The following FAM149A variants were observed in gnomAD, a reference collection of about 807,000 sequenced individuals.
FAM149A encodes the protein family with sequence similarity 149 member A.
Under a neutral mutation model 78.2 loss-of-function variants are expected in FAM149A, and 71 were observed. The ratio of observed to expected loss-of-function variants is 0.91; its 90% CI spans 0.75 to 1.11. The LOEUF (loss-of-function observed/expected upper bound fraction) is 1.11. Ranked by LOEUF, FAM149A falls within the 50% of genes least tolerant of loss-of-function variation. The probability of loss-of-function intolerance (pLI) is 0.00; values close to 1 mark genes in which losing one functional copy is unlikely to be tolerated. For synonymous variants in FAM149A, 446 were observed against 410.5 expected, an observed-to-expected ratio of 1.09 and a Z score of -1.04; for missense variants, 1,036 against 971.0, an observed-to-expected ratio of 1.07 and a Z score of -0.89.
rs1420016747 is a variant in FAM149A at position 186,173,145 on chromosome 4, T to C, written c.*1158T>C. Among the ~76,000 whole-genome samples the C allele has an allele frequency of 1.8e-5, 2 of 112,760 alleles. 1 individual carries two copies. 74.0% of individuals were successfully genotyped at this position (112,760 alleles called of 152,430 possible). A position where few individuals can be genotyped will look rare whatever the true frequency, so the allele number is the denominator to read the frequency against. ...TTTATAAACTATATACACACATATA[T>C]GTATCATATAAATGCATAATAAATT... On this transcript the variant is annotated 3_prime_UTR_variant, in exon 14 of 14. Coordinates refer to ENST00000389354, the MANE Select transcript of FAM149A (RefSeq NM_001367768.3).
chr4:186,166,649 TAAAAAAAAAAAAA>T (rs76402174), intron 11 of FAM149A, among the ~76,000 whole-genome samples: 1 of 105,032 alleles, frequency 9.5e-6, no homozygotes, highest in African/African-American at 3.4e-5. Flanking sequence ...AGACTCTGTT[TAAAAAAAAAAAAA>T]AAAAAAAAAA....
rs185857913 is a variant in FAM149A, at chr4:186,128,316, T to C, written c.567-20857T>C. Among the ~76,000 whole-genome samples the C allele has an allele frequency of 6.0e-4, 92 of 152,178 alleles. 1 individual carries two copies. The highest frequency in any genetic ancestry group is 2.2e-3 in the African/African-American group (90 of 41,540). On this transcript the variant is annotated intron_variant, in intron 1 of 13. Coordinates refer to ENST00000389354, the MANE Select transcript of FAM149A (RefSeq NM_001367768.3). ...TATTCTGTTTTTTAATGCAAGTCAT[T>C]GATAAAATTAGTCCTACATTTTTGT...
rs1467473076 is a variant in FAM149A, at chr4:186,165,572, G to A, written c.2010+108G>A. The A allele has an allele frequency of 4.5e-6, 5 of 1,111,906 alleles. No homozygotes were observed. In the African/African-American group the frequency reaches 7.8e-5, roughly 17 times the overall value. 68.9% of individuals were successfully genotyped at this position (1,111,906 alleles called of 1,614,324 possible). ...GTGAAATTAGTAACATGAGATCTGAGTAGCTGTATTCAAATGCCTTCATAA... is the reference window on the plus strand; with the variant it reads ...GTGAAATTAGTAACATGAGATCTGAATAGCTGTATTCAAATGCCTTCATAA... On this transcript the variant is annotated intron_variant, in intron 11 of 13. Coordinates refer to ENST00000389354, the MANE Select transcript of FAM149A (RefSeq NM_001367768.3).
At chr4:186,151,555 T>A (rs1277515867) in intron 3 of FAM149A, among the ~76,000 whole-genome samples, 1 of 152,238 alleles carries the variant, frequency 6.6e-6, no homozygotes, top group Admixed American at 6.5e-5. Context: ...TGCCTGTGTT[T>A]GCAGACATAC....
intron 1 of FAM149A, among the ~76,000 whole-genome samples, chr4:186,111,868 T>C (rs914435019): frequency 8.6e-5 from 13 of 151,808 alleles, no homozygotes; most frequent in Middle Eastern, 3.4e-3. Context: ...AGGATTGCCT[T>C]GGCGATGTGG....
intron 1 of FAM149A, among the ~76,000 whole-genome samples, chr4:186,142,796 G>A (rs1699516598): frequency 6.6e-6 from 1 of 152,140 alleles, no homozygotes; most frequent in South Asian, 2.1e-4. Flanking sequence ...CCACCTGTAT[G>A]CCACTGAGCA....
At chr4:186,124,287 A>C in intron 1 of FAM149A, 3 of 923,012 alleles carry the variant, frequency 3.3e-6, no homozygotes, top group Non-Finnish European at 3.9e-6. Flanking sequence ...TTATACTTTA[A>C]GTTTTAGGGT....
At chr4:186,170,441 C>A (rs1249355422) in intron 13 of FAM149A, among the ~76,000 whole-genome samples, 2 of 152,228 alleles carry the variant, frequency 1.3e-5, no homozygotes. Context: ...ACCCATGAGC[C>A]TACTTAAGGT....
intron 1 of FAM149A, chr4:186,132,042 A>G: frequency 3.0e-6 from 3 of 985,478 alleles, no homozygotes; most frequent in Non-Finnish European, 3.6e-6. Context: ...AGATTGGAAC[A>G]CAAAACACAA....
chr4:186,120,665 G>A (rs1414032567), intron 1 of FAM149A, among the ~76,000 whole-genome samples: 4 of 150,010 alleles, frequency 2.7e-5, no homozygotes, highest in African/African-American at 7.3e-5. Context: ...ATGGTGGTGC[G>A]TGCCTGTAGT....
chr4:186,167,013 G>A lies in FAM149A; in HGVS notation c.2056G>A (p.Asp686Asn). ...AAACCGTGTGTTGAGTGCCATGCCT[G>A]ACGGTACAGAACGATCGCGTCTTCG... Residue 686 changes from aspartate (D) to asparagine (N), a missense_variant, in exon 12 of 14, where the codon GAC becomes AAC. By Grantham distance (23) the Asp-to-Asn change is conservative. Transcript: ENST00000389354. 1 of 1,614,108 alleles carries A rather than the reference G, an allele frequency of 6.2e-7. No individual in the cohort carries two copies.
intron 1 of FAM149A, chr4:186,126,020 C>G: frequency 1.0e-6 from 1 of 985,406 alleles, no homozygotes; most frequent in Non-Finnish European, 1.2e-6. Context: ...CTGCCATCTC[C>G]TTCCTCCCTT....
Position 186,154,544 on chromosome 4 carries a change from G to C in FAM149A, c.1135G>C (p.Val379Leu). The C allele has an allele frequency of 6.2e-7, 1 of 1,614,070 alleles. No homozygotes were observed. Among genetic ancestry groups the C allele is most frequent in the Non-Finnish European group, 8.5e-7 (1 of 1,179,958 alleles). ...CCTGCCAGGCCCTGATGACACAGGG[G>C]TTGCTGACCTAACGGCACGTTCATC... The change falls in exon 6 of 14, where the codon GTT (valine) becomes CTT (leucine). Residue 379 changes from valine (V) to leucine (L), a missense_variant. Physicochemically the swap from Val to Leu is conservative, Grantham distance 32. Transcript: ENST00000389354.
intron 1 of FAM149A, among the ~76,000 whole-genome samples, chr4:186,148,869 T>C (rs1733247420): frequency 6.6e-6 from 1 of 152,192 alleles, no homozygotes. Context: ...CAACTTTTCC[T>C]TCTCTGGCTG....
rs377701287 is a variant in FAM149A, at chr4:186,164,415, G to T, written c.1889+782G>T. On this transcript the variant is annotated intron_variant, in intron 10 of 13. Coordinates refer to ENST00000389354, the MANE Select transcript of FAM149A (RefSeq NM_001367768.3). The surrounding 1 kb of genome is among the most constrained non-coding windows in gnomAD (Gnocchi z 4.0). ...AGACCACCCACTGGACCCCCGGCCT[G>T]CAGGGGAGCTGTTATCAGGAGCCGA... 2.0e-6 allele frequency: 2 copies of T among 979,556 alleles called. No homozygotes were observed. The highest frequency in any genetic ancestry group is 3.5e-5 in the African/African-American group (2 of 57,064). 60.7% of individuals were successfully genotyped at this position (979,556 alleles called of 1,614,324 possible). A position where few individuals can be genotyped will look rare whatever the true frequency, so the allele number is the denominator to read the frequency against.
rs540034141 is a variant in FAM149A, at chr4:186,144,912, G to C, written c.567-4261G>C. Reference sequence around the variant, plus strand: ...GGGCGCGCCCGGGCCGCCTGAGCTGGGCCAGCCGCGCGGCGGGCGCGGGCG... The same window carrying C: ...GGGCGCGCCCGGGCCGCCTGAGCTGCGCCAGCCGCGCGGCGGGCGCGGGCG... On this transcript the variant is annotated intron_variant, in intron 1 of 13. Transcript: ENST00000389354. The surrounding 1 kb of genome is among the most constrained non-coding windows in gnomAD (Gnocchi z 4.2). 8.2e-6 allele frequency: 8 copies of C among 969,780 alleles called. No homozygotes were observed. Among genetic ancestry groups the C allele is most frequent in the Middle Eastern group, 5.3e-4 (1 of 1,880 alleles). 60.1% of individuals were successfully genotyped at this position (969,780 alleles called of 1,614,324 possible).
At chr4:186,134,429 T>C (rs2099321951) in intron 1 of FAM149A, among the ~76,000 whole-genome samples, 1 of 152,152 alleles carries the variant, frequency 6.6e-6, no homozygotes, top group Non-Finnish European at 1.5e-5. Flanking sequence ...GCCTTTTGCT[T>C]TTTTAGGTGC....
At position 186,175,050 on chromosome 4, in the gene FAM149A, TA is replaced by T. The variant is rs1248923339; in HGVS notation, c.*3067del. Among the ~76,000 whole-genome samples the T allele has an allele frequency of 3.6e-5, 4 of 111,480 alleles. No homozygotes were observed. Among genetic ancestry groups the T allele is most frequent in the African/African-American group, 1.1e-4 (4 of 35,874 alleles). 73.1% of individuals were successfully genotyped at this position (111,480 alleles called of 152,430 possible). A position where few individuals can be genotyped will look rare whatever the true frequency, so the allele number is the denominator to read the frequency against. On this transcript the variant is annotated 3_prime_UTR_variant, in exon 14 of 14. Transcript: ENST00000389354. ...AACCAAAGAAAGAATGAAGAAATTT[TA>T]AAACAATCTAAGAAAATGTAAAATA...
chr4:186,137,073 A>G (rs1053703567), intron 1 of FAM149A, among the ~76,000 whole-genome samples: 1 of 149,446 alleles, frequency 6.7e-6, no homozygotes, highest in African/African-American at 2.5e-5. Flanking sequence ...ATGTTAGTGG[A>G]TACTATGGTA....
Sources: allele counts gnomAD v4.1 joint callset (sites outside exome capture counted in the v4.1 genomes callset), GRCh38; gene constraint gnomAD v4.1.1; non-coding constraint Gnocchi (gnomAD v3.1); transcripts MANE v1.5; gene names NCBI Gene and HGNC (gene_info 2026-07-23, HGNC 2026-07-21).